The following CNTN3 variants were observed in gnomAD, a reference collection of about 807,000 sequenced individuals.
CNTN3 encodes the protein contactin 3.
CNTN3 carries 60 observed loss-of-function variants against 119.1 expected under a neutral mutation model. That is an observed-to-expected ratio of 0.50 (90% CI 0.41 to 0.62). The LOEUF is 0.62. Among genes scored for constraint, CNTN3 ranks in the 20% least tolerant of loss-of-function variants. The probability of loss-of-function intolerance (pLI) is 0.00; values close to 1 mark genes in which losing one functional copy is unlikely to be tolerated. For synonymous variants in CNTN3, 450 were observed against 438.7 expected (o/e 1.03, Z -0.32); for missense variants, 1,101 against 1,242.4 (o/e 0.89, Z 1.71).
At chr3:74,418,616 C>T (rs1329221824) in intron 5 of CNTN3, among the ~76,000 whole-genome samples, 1 of 152,010 alleles carries the variant, frequency 6.6e-6, no homozygotes, top group Admixed American at 6.6e-5. Context: ...GTTAGGATTA[C>T]AGGCATGAGC....
intron 13 of CNTN3, among the ~76,000 whole-genome samples, chr3:74,312,239 G>A (rs1299136055): frequency 6.6e-6 from 1 of 151,890 alleles, no homozygotes; most frequent in African/African-American, 2.4e-5. Flanking sequence ...AGATCACGAG[G>A]TCAGGAGATC....
At chr3:74,351,128 A>G (rs769413183) in intron 11 of CNTN3, among the ~76,000 whole-genome samples, 2 of 152,240 alleles carry the variant, frequency 1.3e-5, no homozygotes, top group African/African-American at 4.8e-5. Flanking sequence ...CATGAAAGCC[A>G]TATTAACAGC....
intron 4 of CNTN3, among the ~76,000 whole-genome samples, chr3:74,441,646 T>G (rs895175921): frequency 6.6e-6 from 1 of 152,162 alleles, no homozygotes; most frequent in African/African-American, 2.4e-5. Flanking sequence ...ACTGTGCTGA[T>G]GTGGAGGATA....
chr3:74,577,631 T>C (rs1157329825), intron 1 of CNTN3, among the ~76,000 whole-genome samples: 1 of 152,108 alleles, frequency 6.6e-6, no homozygotes, highest in East Asian at 1.9e-4. Context: ...ATATCCGTTC[T>C]TGATTAGTAG....
intron 11 of CNTN3, among the ~76,000 whole-genome samples, chr3:74,339,679 T>TG (rs1703483651): frequency 2.0e-5 from 3 of 152,100 alleles, no homozygotes; most frequent in African/African-American, 7.2e-5. Context: ...TTTTAGACCC[T>TG]TGAAAAGTGT....
At chr3:74,419,734 A>G (rs2106887386) in intron 5 of CNTN3, among the ~76,000 whole-genome samples, 1 of 152,340 alleles carries the variant, frequency 6.6e-6, no homozygotes, top group South Asian at 2.1e-4. Flanking sequence ...ATAAATTTCT[A>G]TCAGCCATTG....
chr3:74,290,689 T>C (rs1484271375), intron 19 of CNTN3, among the ~76,000 whole-genome samples: 1 of 152,094 alleles, frequency 6.6e-6, no homozygotes, highest in Admixed American at 6.6e-5. Flanking sequence ...TGTGTTCATT[T>C]ATTTTCTTTT....
At chr3:74,515,489 G>A (rs557348754) in intron 2 of CNTN3, among the ~76,000 whole-genome samples, 35 of 152,108 alleles carry the variant, frequency 2.3e-4, no homozygotes, top group East Asian at 1.2e-3. Flanking sequence ...CCTGTTTAAG[G>A]ACCCAGTCTC....
chr3:74,473,197 G>A (rs1702596609), intron 4 of CNTN3, among the ~76,000 whole-genome samples: 1 of 151,014 alleles, frequency 6.6e-6, no homozygotes, highest in African/African-American at 2.4e-5. Flanking sequence ...AAAAAAACAG[G>A]GAAAGAAAAG....
chr3:74,412,540 T>G (rs1280072438), intron 5 of CNTN3, among the ~76,000 whole-genome samples: 1 of 152,190 alleles, frequency 6.6e-6, no homozygotes, highest in Non-Finnish European at 1.5e-5. Context: ...TCCCCTTGAC[T>G]GTCTCTCATA....
At chr3:74,346,733 A>ACATC (rs61572054) in intron 11 of CNTN3, among the ~76,000 whole-genome samples, 2,825 of 144,482 alleles carry the variant, frequency 0.02, 59 homozygotes, top group East Asian at 0.049. Flanking sequence ...ATCTCATTTG[A>ACATC]CATCCATCCA....
chr3:74,448,418 T>C (rs1451777748), intron 4 of CNTN3, among the ~76,000 whole-genome samples: 2 of 152,150 alleles, frequency 1.3e-5, no homozygotes, highest in Non-Finnish European at 2.9e-5. Context: ...AACTCACTCT[T>C]CATCCTTATT....
intron 20 of CNTN3, among the ~76,000 whole-genome samples, chr3:74,278,558 T>C (rs1405503426): frequency 6.6e-6 from 1 of 152,100 alleles, no homozygotes; most frequent in Non-Finnish European, 1.5e-5. Flanking sequence ...TAGCCACATG[T>C]AGGAGAATGA....
chr3:74,526,361 T>C (rs1703619049), intron 1 of CNTN3, among the ~76,000 whole-genome samples: 1 of 151,782 alleles, frequency 6.6e-6, no homozygotes. Context: ...GCAACCACAC[T>C]AGCATGGTAG....
At chr3:74,338,441 T>C (rs971526464) in intron 11 of CNTN3, among the ~76,000 whole-genome samples, 1 of 151,884 alleles carries the variant, frequency 6.6e-6, no homozygotes, top group African/African-American at 2.4e-5. Flanking sequence ...TATACACATA[T>C]ATACACACGT....
intron 1 of CNTN3, among the ~76,000 whole-genome samples, chr3:74,610,327 A>C (rs1308029086): frequency 1.7e-5 from 2 of 117,868 alleles, no homozygotes; most frequent in East Asian, 4.2e-4. Context: ...TGTCGAAAAA[A>C]ACAAAAATGA....
chr3:74,614,400 G>A lies in CNTN3; in HGVS notation c.-90C>T, dbSNP rs896338613. On this transcript the variant is annotated 5_prime_UTR_variant, in exon 1 of 23. Coordinates refer to ENST00000263665, the MANE Select transcript of CNTN3 (RefSeq NM_020872.3). The stretch of plus-strand genomic sequence containing the variant: ...GGCATCCCGGACTTACCTGGTCTCT[G>A]CAGCTCGCCAGACGCCCGCCCCGAC... 1.3e-5 allele frequency among the ~76,000 whole-genome samples: 2 copies of A among 151,010 alleles called. No homozygotes were observed. Among genetic ancestry groups the A allele is most frequent in the Non-Finnish European group, 3.0e-5 (2 of 67,522 alleles).
intron 7 of CNTN3, 137 bp from the exon 8 acceptor site, chr3:74,369,510 C>A (rs1169378656): frequency 1.4e-5 from 8 of 561,800 alleles, no homozygotes; most frequent in Middle Eastern, 4.3e-4. Flanking sequence ...ATTATATAAA[C>A]CTGATAAAAA....
At chr3:74,360,921 A>G (rs948458161) in intron 11 of CNTN3, among the ~76,000 whole-genome samples, 2 of 152,104 alleles carry the variant, frequency 1.3e-5, no homozygotes. Flanking sequence ...ATACTCCAGG[A>G]TAACCTCCTT....
Sources: gnomAD v4.1 joint callset for allele counts (sites outside exome capture counted in the v4.1 genomes callset) on GRCh38, gnomAD v4.1.1 for gene constraint, MANE v1.5 for transcripts, NCBI Gene and HGNC (gene_info 2026-07-23, HGNC 2026-07-21) for gene names.